PCDH11X: variants seen among roughly 807,000 people sequenced by gnomAD.
PCDH11X encodes protocadherin-11 X-linked.
Under a neutral mutation model 53.3 loss-of-function variants are expected in PCDH11X, and 18 were observed. That is an observed-to-expected ratio of 0.34 (90% CI 0.23 to 0.50). The LOEUF (loss-of-function observed/expected upper bound fraction) is 0.50, where lower values mean the gene tolerates loss of function less well. Ranked by LOEUF, PCDH11X falls within the 20% of genes least tolerant of loss-of-function variation. The pLI is 0.98. For missense variants in PCDH11X, 570 were observed against 1,032.4 expected (o/e 0.55, Z 6.14); for synonymous variants, 279 against 393.3 (o/e 0.71, Z 3.44).
chrX:92,313,563 T>C (rs1217857721), intron 8 of PCDH11X, among the ~76,000 whole-genome samples: 1 of 109,811 alleles, frequency 9.1e-6, no homozygotes, highest in Non-Finnish European at 1.9e-5. Flanking sequence ...GTAGTGTTTG[T>C]TGTGCAGGTT....
intron 9 of PCDH11X, among the ~76,000 whole-genome samples, chrX:92,446,099 A>T (rs1454491208): frequency 9.2e-6 from 1 of 109,225 alleles, no homozygotes; most frequent in Non-Finnish European, 1.9e-5. Flanking sequence ...ATTACTTAAT[A>T]ACACCTACAT....
chrX:91,785,655 T>G (rs935359200), intron 1 of PCDH11X, among the ~76,000 whole-genome samples: 1 of 111,137 alleles, frequency 9.0e-6, no homozygotes, highest in African/African-American at 3.3e-5. Flanking sequence ...TTACATGTCA[T>G]TGTCTGAGCA....
intron 8 of PCDH11X, among the ~76,000 whole-genome samples, chrX:92,276,022 G>T (rs2068081552): frequency 2.7e-5 from 3 of 110,314 alleles, no homozygotes; most frequent in African/African-American, 9.9e-5. Context: ...CAGATAATTT[G>T]GTTAAAATAT....
At chrX:92,064,305 T>A (rs2063570512) in intron 6 of PCDH11X, among the ~76,000 whole-genome samples, 1 of 109,880 alleles carries the variant, frequency 9.1e-6, no homozygotes, top group Non-Finnish European at 1.9e-5. Context: ...TAAACTTTTT[T>A]AAGGACATAT....
At chrX:92,470,875 A>T (rs888682601) in intron 10 of PCDH11X, among the ~76,000 whole-genome samples, 1 of 109,767 alleles carries the variant, frequency 9.1e-6, no homozygotes, top group African/African-American at 3.3e-5. Flanking sequence ...AGATTTTTGC[A>T]TCAATATTCA....
intron 7 of PCDH11X, among the ~76,000 whole-genome samples, chrX:92,238,169 T>C (rs2067203829): frequency 2.7e-5 from 3 of 111,872 alleles, no homozygotes; most frequent in African/African-American, 9.7e-5. Flanking sequence ...CTAAAAAAAC[T>C]TTAAAATGCA....
intron 8 of PCDH11X, among the ~76,000 whole-genome samples, chrX:92,264,143 T>C (rs1424386060): frequency 8.9e-6 from 1 of 112,305 alleles, no homozygotes; most frequent in Non-Finnish European, 1.9e-5. Flanking sequence ...GTCTAAGCTA[T>C]GCCGGAAAGT....
At chrX:91,919,070 G>A (rs1941661522) in intron 6 of PCDH11X, among the ~76,000 whole-genome samples, 1 of 111,867 alleles carries the variant, frequency 8.9e-6, no homozygotes, top group Non-Finnish European at 1.9e-5. Flanking sequence ...GTTCAATTCA[G>A]TAGGGATCTG....
At chrX:92,460,029 G>A (rs768806091) in intron 9 of PCDH11X, 4 of 982,919 alleles carry the variant, frequency 4.1e-6, no homozygotes, top group Admixed American at 2.2e-5. Context: ...AGGGACCCCA[G>A]GTCAAAGACT....
In PCDH11X at chrX:92,176,914, C is replaced by CAGTAACTAGCAGAT. The variant is rs1268767806; in HGVS notation, c.3034-24459_3034-24446dup. On this transcript the variant is annotated intron_variant, in intron 6 of 10. Coordinates refer to ENST00000682573, the MANE Select transcript of PCDH11X (RefSeq NM_032968.5). ...TTGGGAGTGGGGAGCAAAGATCTTA[C>CAGTAACTAGCAGAT]AGTAACTAGCAGATATTTTAAGCAT... 4.6e-5 allele frequency among the ~76,000 whole-genome samples: 5 copies of CAGTAACTAGCAGAT among 109,870 alleles called. No homozygotes were observed. In the Admixed American group the frequency reaches 4.9e-4, roughly 11 times the overall value.
At chrX:91,836,114 T>C (rs1330837602) in intron 5 of PCDH11X, 70 bp downstream of exon 5, 3 of 1,086,627 alleles carry the variant, frequency 2.8e-6, no homozygotes, top group Non-Finnish European at 3.7e-6. Flanking sequence ...ATGATATTAA[T>C]GTATTTCAAA....
At position 92,354,568 on chromosome X, in the gene PCDH11X, C is replaced by T. The variant is rs187866673; in HGVS notation, c.3145-33167C>T. On this transcript the variant is annotated intron_variant, in intron 8 of 10. Coordinates refer to ENST00000682573, the MANE Select transcript of PCDH11X (RefSeq NM_032968.5). ...TATGAATTACCTGGATTTACATGAA[C>T]AAGAAGTGAAACTGGAGCTTAGGTC... Among the ~76,000 whole-genome samples the T allele has an allele frequency of 3.6e-5, 4 of 111,085 alleles. No individual in the cohort carries two copies. In the Admixed American group the frequency reaches 3.9e-4, roughly 11 times the overall value.
intron 9 of PCDH11X, among the ~76,000 whole-genome samples, chrX:92,414,970 A>T (rs1226670472): frequency 9.0e-6 from 1 of 110,807 alleles, no homozygotes. Context: ...CTTTGAGGAC[A>T]GTGTATACTT....
intron 10 of PCDH11X, among the ~76,000 whole-genome samples, chrX:92,530,297 T>C (rs1293521192): frequency 9.6e-6 from 1 of 104,124 alleles, no homozygotes; most frequent in Non-Finnish European, 2.0e-5. Context: ...ATTCCCTTGC[T>C]CTTTTACCTG....
At chrX:92,438,651 A>G (rs1467824970) in intron 9 of PCDH11X, among the ~76,000 whole-genome samples, 1 of 111,392 alleles carries the variant, frequency 9.0e-6, no homozygotes, top group South Asian at 3.8e-4. Flanking sequence ...GAACATTTTT[A>G]TATCTGAAGA....
At chrX:91,826,409 A>G (rs1427584171) in intron 4 of PCDH11X, among the ~76,000 whole-genome samples, 2 of 108,764 alleles carry the variant, frequency 1.8e-5, no homozygotes, top group Non-Finnish European at 3.8e-5. Flanking sequence ...ATTTTAACTT[A>G]TAAATGCAAA....
At chrX:92,329,253 T>A (rs989491603) in intron 8 of PCDH11X, among the ~76,000 whole-genome samples, 2 of 111,296 alleles carry the variant, frequency 1.8e-5, no homozygotes, top group Non-Finnish European at 3.8e-5. Context: ...TTATAGAAAC[T>A]GTCAGCAGAC....
At chrX:92,303,100 G>A (rs2068755710) in intron 8 of PCDH11X, among the ~76,000 whole-genome samples, 1 of 109,339 alleles carries the variant, frequency 9.1e-6, no homozygotes, top group Non-Finnish European at 1.9e-5. Context: ...GCAGCTAGAA[G>A]TATGGCTCTT....
chrX:92,318,381 C>T (rs1186523356), intron 8 of PCDH11X, among the ~76,000 whole-genome samples: 2 of 111,737 alleles, frequency 1.8e-5, no homozygotes. Flanking sequence ...TCAAAACTCA[C>T]TTGCAAACAC....
Sources: gnomAD v4.1 joint callset for allele counts (sites outside exome capture counted in the v4.1 genomes callset) on GRCh38, gnomAD v4.1.1 for gene constraint, MANE v1.5 for transcripts, NCBI Gene and HGNC (gene_info 2026-07-23, HGNC 2026-07-21) for gene names.